Variants in SYNRG observed in about 807,000 individuals in gnomAD.
The protein encoded by SYNRG is synergin gamma, also known as AP1 gamma subunit binding protein 1.
Under a neutral mutation model 130.9 loss-of-function variants are expected in SYNRG, and 37 were observed. That is an observed-to-expected ratio of 0.28 (90% CI 0.22 to 0.37). The LOEUF (loss-of-function observed/expected upper bound fraction) is 0.37. Ranked by LOEUF, SYNRG falls within the 10% of genes least tolerant of loss-of-function variation. The pLI is 1.00. For missense variants in SYNRG, 1,338 were observed against 1,588.9 expected (o/e 0.84, Z 2.68); for synonymous variants, 539 against 568.1 (o/e 0.95, Z 0.73).
chr17:37,597,024 G>T (rs1193676434), intron 2 of SYNRG, among the ~76,000 whole-genome samples: 2 of 152,216 alleles, frequency 1.3e-5, no homozygotes, highest in East Asian at 1.9e-4. Context: ...TTACAGGTGT[G>T]AGCCACTGTG....
intron 17 of SYNRG, 152 bp from the exon 18 acceptor site, chr17:37,538,572 G>T: frequency 1.6e-6 from 1 of 607,676 alleles, no homozygotes; most frequent in Non-Finnish European, 2.9e-6. Context: ...CTCTGGAAGA[G>T]AAAATATGTT....
intron 6 of SYNRG, among the ~76,000 whole-genome samples, chr17:37,578,190 G>A (rs1001565137): frequency 6.6e-6 from 1 of 151,888 alleles, no homozygotes; most frequent in African/African-American, 2.4e-5. Flanking sequence ...AATTAGCCAG[G>A]CGTGGTGGCG....
chr17:37,600,552 T>C (rs2063178373), intron 1 of SYNRG, 149 bp from the exon 2 acceptor site: 3 of 787,564 alleles, frequency 3.8e-6, no homozygotes, highest in Non-Finnish European at 4.4e-6. Flanking sequence ...ATCAGTACAC[T>C]GAGCATCCAT....
chr17:37,594,245 A>C (rs1189392858), intron 3 of SYNRG, among the ~76,000 whole-genome samples: 2 of 62,758 alleles, frequency 3.2e-5, no homozygotes, highest in Non-Finnish European at 5.9e-5. Flanking sequence ...TACAATATTA[A>C]TTATTTTAAT....
chr17:37,531,829 A>G (rs753369936), intron 19 of SYNRG, among the ~76,000 whole-genome samples: 6 of 152,096 alleles, frequency 3.9e-5, no homozygotes, highest in Non-Finnish European at 7.4e-5. Flanking sequence ...CACATCCCTA[A>G]TATCATTTTG....
intron 13 of SYNRG, among the ~76,000 whole-genome samples, chr17:37,559,636 G>C (rs2059378097): frequency 6.6e-6 from 1 of 152,104 alleles, no homozygotes; most frequent in Non-Finnish European, 1.5e-5. Flanking sequence ...GTTGCAGTGA[G>C]CCAAGATCAT....
At chr17:37,586,105 A>G (rs759472844) in intron 4 of SYNRG, among the ~76,000 whole-genome samples, 11 of 152,028 alleles carry the variant, frequency 7.2e-5, no homozygotes, top group Admixed American at 2.6e-4. Context: ...TGATCCTCCC[A>G]CCTCAGCCTC....
At chr17:37,602,448 T>C (rs775975246) in intron 1 of SYNRG, among the ~76,000 whole-genome samples, 7 of 151,708 alleles carry the variant, frequency 4.6e-5, no homozygotes, top group Middle Eastern at 3.4e-3. Context: ...GAAAACTGAG[T>C]AGGAAATGGT....
Position 37,576,480 on chromosome 17 carries a change from G to A in SYNRG, c.824-62C>T, listed in dbSNP as rs191602001. ...ATGGAGAAGATGGCGAAATCACACT[G>A]AGTCATGGTTTTTTACAAAGAGCAC... On this transcript the variant is annotated intron_variant, in intron 7 of 21. Coordinates refer to ENST00000612223, the MANE Select transcript of SYNRG (RefSeq NM_007247.6). The A allele has an allele frequency of 3.1e-4, 470 of 1,497,790 alleles. 2 individuals are homozygous for A. In the African/African-American group the frequency reaches 5.8e-3, roughly 19 times the overall value. 92.8% of individuals were successfully genotyped at this position (1,497,790 alleles called of 1,614,324 possible).
At chr17:37,591,741 A>T (rs1034037771) in intron 3 of SYNRG, among the ~76,000 whole-genome samples, 1 of 152,248 alleles carries the variant, frequency 6.6e-6, no homozygotes, top group Admixed American at 6.5e-5. Context: ...GGGCAATCAC[A>T]CTTGCATAGG....
chr17:37,520,326 G>T, intron 20 of SYNRG, 112 bp from the exon 21 acceptor site: 1 of 1,406,510 alleles, frequency 7.1e-7, no homozygotes, highest in Non-Finnish European at 1.0e-6. Flanking sequence ...ACTATGCACA[G>T]GGTGCTGCAG....
At chr17:37,608,958 A>G (rs892265009) in intron 1 of SYNRG, among the ~76,000 whole-genome samples, 1 of 151,962 alleles carries the variant, frequency 6.6e-6, no homozygotes, top group Non-Finnish European at 1.5e-5. Flanking sequence ...TAGGACTAGG[A>G]GCGGAGTCGC....
At chr17:37,563,067 A>T (rs1472746253) in intron 11 of SYNRG, among the ~76,000 whole-genome samples, 2 of 152,220 alleles carry the variant, frequency 1.3e-5, no homozygotes, top group African/African-American at 2.4e-5. Context: ...ATTCCATTCA[A>T]AAAAAGTTAT....
intron 14 of SYNRG, among the ~76,000 whole-genome samples, chr17:37,552,847 T>C (rs1423618446): frequency 1.3e-5 from 2 of 152,222 alleles, no homozygotes; most frequent in African/African-American, 4.8e-5. Flanking sequence ...TGACTTTTTA[T>C]GTGCCTCTAA....
intron 15 of SYNRG, 36 bp from the exon 16 acceptor site, chr17:37,540,579 C>T: frequency 6.2e-7 from 1 of 1,601,492 alleles, no homozygotes. Context: ...AAGGTTTTGG[C>T]TACTCACCTT....
At chr17:37,547,337 C>CA (rs1321997687) in intron 14 of SYNRG, among the ~76,000 whole-genome samples, 3 of 152,104 alleles carry the variant, frequency 2.0e-5, no homozygotes, top group African/African-American at 7.2e-5. Flanking sequence ...AAAATCTCAC[C>CA]AAAAAGACAC....
intron 2 of SYNRG, among the ~76,000 whole-genome samples, chr17:37,600,133 G>A (rs2063139215): frequency 6.6e-6 from 1 of 152,198 alleles, no homozygotes. Flanking sequence ...TGAACATAAT[G>A]TCTATGTAAG....
intron 6 of SYNRG, 138 bp from the exon 7 acceptor site, chr17:37,577,751 T>G: frequency 5.9e-6 from 4 of 682,358 alleles, no homozygotes; most frequent in Middle Eastern, 4.1e-4. Flanking sequence ...CAGGCTGTAG[T>G]GTACTGGCAT....
chr17:37,530,820 T>C (rs1045115344), intron 19 of SYNRG, among the ~76,000 whole-genome samples: 1 of 152,228 alleles, frequency 6.6e-6, no homozygotes, highest in African/African-American at 2.4e-5. Context: ...TGTGTGGTAC[T>C]ATAGTCCTCC....
Sources: gnomAD v4.1 joint callset for allele counts (sites outside exome capture counted in the v4.1 genomes callset) on GRCh38, gnomAD v4.1.1 for gene constraint, MANE v1.5 for transcripts, NCBI Gene and HGNC (gene_info 2026-07-23, HGNC 2026-07-21) for gene names.